IL12RB1: variants seen among roughly 807,000 people sequenced by gnomAD.
IL12RB1 encodes interleukin 12 receptor subunit beta 1.
IL12RB1 carries 64 observed loss-of-function variants against 94.4 expected under a neutral mutation model. That is an observed-to-expected ratio of 0.68 (90% CI 0.55 to 0.83). The LOEUF is 0.83. IL12RB1 is among the 40% of genes least tolerant of loss of function. The pLI, the probability that IL12RB1 is intolerant of heterozygous loss-of-function variation, is 0.00. For synonymous variants in IL12RB1, 362 were observed against 355.5 expected (o/e 1.02, Z -0.21); for missense variants, 814 against 855.6 (o/e 0.95, Z 0.61).
In IL12RB1 at chr19:18,066,710, C is replaced by A. The variant is rs537448805; in HGVS notation, c.1328-13G>T. On this transcript the variant is annotated splice_polypyrimidine_tract_variant and intron_variant, in intron 11 of 16. Transcript: ENST00000593993. Reference sequence around the variant, plus strand: ...CCAGCTGCTGAGGCTGCAACCAGTACCATTGTCATAGTCAACACCAAGAAT... The same window carrying A: ...CCAGCTGCTGAGGCTGCAACCAGTAACATTGTCATAGTCAACACCAAGAAT... 3.1e-6 allele frequency: 5 copies of A among 1,603,868 alleles called. No homozygotes were observed. The Admixed American group carries it at 6.7e-5, about 21-fold the overall frequency.
At chr19:18,073,847 C>A (rs181450793) in intron 7 of IL12RB1, among the ~76,000 whole-genome samples, 3 of 152,302 alleles carry the variant, frequency 2.0e-5, no homozygotes, top group African/African-American at 7.2e-5. Context: ...CTTTTTGAGA[C>A]GAAGTCTCAC....
intron 13 of IL12RB1, among the ~76,000 whole-genome samples, chr19:18,062,687 G>A (rs2034231973): frequency 6.6e-6 from 1 of 151,836 alleles, no homozygotes; most frequent in African/African-American, 2.4e-5. Context: ...CAGAAGAATC[G>A]CTTGAACTCG....
intron 12 of IL12RB1, among the ~76,000 whole-genome samples, chr19:18,064,463 C>T (rs1490554611): frequency 7.0e-6 from 1 of 142,546 alleles, no homozygotes. Flanking sequence ...TTAATGCGCC[C>T]ATTCATCTCA....
chr19:18,097,780 G>A (rs1173209042), intron 1 of IL12RB1: 28 of 1,215,306 alleles, frequency 2.3e-5, no homozygotes, highest in East Asian at 6.6e-5. Context: ...CTGGCGGCGC[G>A]GACTCCCGGG....
intron 11 of IL12RB1, among the ~76,000 whole-genome samples, chr19:18,067,992 T>C (rs1381708998): frequency 4.0e-5 from 6 of 149,674 alleles, no homozygotes; most frequent in Non-Finnish European, 8.9e-5. Flanking sequence ...GGGTGAGCCA[T>C]TCTGTCTGCC....
intron 7 of IL12RB1, 139 bp downstream of exon 7, chr19:18,075,610 T>C (rs1377864633): frequency 2.6e-6 from 2 of 772,312 alleles, no homozygotes; most frequent in Non-Finnish European, 4.6e-6. Flanking sequence ...TTGCCCGGGC[T>C]GGTCTCAAAC....
In IL12RB1 at chr19:18,061,869, G is replaced by GAAAAAAAAAAAGA. The variant is rs767444429; in HGVS notation, c.1715+311_1715+312insTCTTTTTTTTTTT. 1.2e-4 allele frequency among the ~76,000 whole-genome samples: 17 copies of GAAAAAAAAAAAGA among 142,814 alleles called. 1 individual carries two copies. The East Asian group carries it at 1.4e-3, about 12-fold the overall frequency. The allele number at this position is 142,814 out of a possible 152,430, so 93.7% of individuals were successfully genotyped here. A position where few individuals can be genotyped will look rare whatever the true frequency, so the allele number is the denominator to read the frequency against. On this transcript the variant is annotated intron_variant, in intron 14 of 16. Coordinates refer to ENST00000593993, the MANE Select transcript of IL12RB1 (RefSeq NM_005535.3). ...CAGAGTAAGACTCCATCTCAAAAAAGAAAAAAAAAAGAAAGAAATTTTGCA... is the reference window on the plus strand; with the variant it reads ...CAGAGTAAGACTCCATCTCAAAAAAGAAAAAAAAAAAGAAAAAAAAAAAGAAAGAAATTTTGCA...
chr19:18,078,171 A>G (rs2035621639), intron 4 of IL12RB1, among the ~76,000 whole-genome samples: 1 of 152,064 alleles, frequency 6.6e-6, no homozygotes, highest in African/African-American at 2.4e-5. Context: ...CACTTTGGGA[A>G]GCCAAGGTGG....
At chr19:18,082,787 G>A (rs768970457) in intron 2 of IL12RB1, among the ~76,000 whole-genome samples, 5 of 152,244 alleles carry the variant, frequency 3.3e-5, no homozygotes, top group East Asian at 1.9e-4. Flanking sequence ...TAAATGTTCC[G>A]ACAATATGGC....
intron 1 of IL12RB1, among the ~76,000 whole-genome samples, chr19:18,094,006 A>G (rs2036765195): frequency 6.6e-6 from 1 of 152,346 alleles, no homozygotes; most frequent in Admixed American, 6.5e-5. Context: ...TTGCCAGGAG[A>G]AAATCTATTC....
At chr19:18,062,092 G>T in intron 14 of IL12RB1, 89 bp downstream of exon 14, 1 of 861,446 alleles carries the variant, frequency 1.2e-6, no homozygotes, top group Non-Finnish European at 1.9e-6. Context: ...CAAAGCCAAG[G>T]ACCCAATCTG....
chr19:18,083,133 G>T (rs1010887875), intron 2 of IL12RB1: 5 of 551,032 alleles, frequency 9.1e-6, no homozygotes, highest in Non-Finnish European at 1.3e-5. Flanking sequence ...GGTTGGGGGG[G>T]GGGCTTCAAA....
intron 12 of IL12RB1, among the ~76,000 whole-genome samples, chr19:18,064,895 G>A (rs142394519): frequency 6.6e-6 from 1 of 152,094 alleles, no homozygotes; most frequent in Non-Finnish European, 1.5e-5. Flanking sequence ...CTTTCCATAA[G>A]ACACGCCCAC....
chr19:18,098,284 G>C (rs529829873), intron 1 of IL12RB1, among the ~76,000 whole-genome samples: 4 of 152,202 alleles, frequency 2.6e-5, no homozygotes, highest in South Asian at 2.1e-4. Context: ...GGGGAGGTTG[G>C]GGCTGTCAGG....
chr19:18,070,478 C>T (rs1206928430), intron 9 of IL12RB1: 1 of 973,006 alleles, frequency 1.0e-6, no homozygotes, highest in African/African-American at 1.8e-5. Context: ...CACACACCCA[C>T]TCAGTCCCTG....
intron 7 of IL12RB1, 79 bp downstream of exon 7, chr19:18,075,670 T>C: frequency 7.8e-7 from 1 of 1,277,262 alleles, no homozygotes; most frequent in Non-Finnish European, 1.1e-6. Flanking sequence ...CAGCTGGAAC[T>C]ACAGGTGTGC....
At chr19:18,076,868 G>A (rs1193113352) in intron 5 of IL12RB1, among the ~76,000 whole-genome samples, 1 of 152,004 alleles carries the variant, frequency 6.6e-6, no homozygotes, top group Non-Finnish European at 1.5e-5. Flanking sequence ...AACACAATGT[G>A]GGATCCTGGA....
rs752142455 is a variant in IL12RB1 at position 18,077,605 on chromosome 19, G to T, written c.460C>A (p.Gln154Lys). ...GDIKVSKLAG[Q>K]LRMEWETPDN... ...GGGGTCTCCCACTCCATACGCAGCT[G>T]CCCGGCCAACTTGGACACCTTGATG... is the stretch of plus-strand genomic sequence containing the variant. The change falls in exon 5 of 17, where the codon CAG becomes AAG. Residue 154 changes from glutamine (Q) to lysine (K), a missense_variant. Physicochemically the swap from Gln to Lys is moderately conservative, Grantham distance 53. Transcript: ENST00000593993. 3.1e-6 allele frequency: 5 copies of T among 1,596,338 alleles called. No individual in the cohort carries two copies. In the East Asian group the frequency reaches 8.9e-5, roughly 29 times the overall value.
chr19:18,069,793 C>T, intron 9 of IL12RB1, 80 bp from the exon 10 acceptor site: 1 of 1,026,418 alleles, frequency 9.7e-7, no homozygotes, highest in Non-Finnish European at 1.5e-6. Context: ...TGCAGCCTCT[C>T]TCCCACCCTC....
Sources: allele counts gnomAD v4.1 joint callset (sites outside exome capture counted in the v4.1 genomes callset), GRCh38; gene constraint gnomAD v4.1.1; transcripts MANE v1.5; gene names NCBI Gene and HGNC (gene_info 2026-07-23, HGNC 2026-07-21).